CCDC3: variants seen among roughly 807,000 people sequenced by gnomAD.
CCDC3 encodes coiled-coil domain containing 3.
A neutral mutation model predicts 21.4 loss-of-function variants in CCDC3; 24 were observed. The ratio of observed to expected loss-of-function variants is 1.12; its 90% CI spans 0.81 to 1.58. The LOEUF is 1.58. Among genes scored for constraint, CCDC3 ranks in the 40% most tolerant of loss-of-function variants. The pLI is 0.00. For missense variants in CCDC3, 425 were observed against 360.9 expected (o/e 1.18, Z -1.44); for synonymous variants, 186 against 166.0 (o/e 1.12, Z -0.93).
chr10:12,916,691 A>C (rs544005162), intron 2 of CCDC3, among the ~76,000 whole-genome samples: 11 of 151,816 alleles, frequency 7.2e-5, no homozygotes, highest in Non-Finnish European at 1.5e-4. Context: ...CAAAGCCTGG[A>C]GCCAAGTGGA....
upstream of CCDC3, among the ~76,000 whole-genome samples, chr10:13,002,154 C>A (rs1367214807): frequency 1.3e-5 from 2 of 152,100 alleles, no homozygotes; most frequent in Non-Finnish European, 2.9e-5. Flanking sequence ...CTCAGATTTG[C>A]TAGTTATTTA....
At chr10:13,097,398 G>A (rs1832641858) in intron 3 of CCDC3, among the ~76,000 whole-genome samples, 1 of 152,158 alleles carries the variant, frequency 6.6e-6, no homozygotes, top group Admixed American at 6.5e-5. Context: ...AGCATCCTTA[G>A]GTGAGGGCTG....
chr10:13,097,303 G>A (rs576292610), intron 3 of CCDC3, among the ~76,000 whole-genome samples: 1 of 152,278 alleles, frequency 6.6e-6, no homozygotes, highest in African/African-American at 2.4e-5. Flanking sequence ...AAACAGAACC[G>A]GCTCTAACAC....
At chr10:12,903,763 G>A (rs1297563256) in intron 2 of CCDC3, among the ~76,000 whole-genome samples, 1 of 152,184 alleles carries the variant, frequency 6.6e-6, no homozygotes, top group African/African-American at 2.4e-5. Context: ...TTTTATTTTC[G>A]AAAAGACAAA....
At chr10:13,062,353 G>T (rs1038814289) in intron 4 of CCDC3, among the ~76,000 whole-genome samples, 9 of 152,170 alleles carry the variant, frequency 5.9e-5, no homozygotes, top group African/African-American at 1.9e-4. Flanking sequence ...TCCACCCATT[G>T]TATGTACATA....
chr10:13,075,516 C>T (rs74119407), intron 3 of CCDC3, among the ~76,000 whole-genome samples: 4 of 151,812 alleles, frequency 2.6e-5, no homozygotes, highest in African/African-American at 9.7e-5. Flanking sequence ...GGATGAACCT[C>T]TTCCCACCGC....
chr10:12,957,870 G>C (rs1043440971), intron 2 of CCDC3, among the ~76,000 whole-genome samples: 1 of 152,112 alleles, frequency 6.6e-6, no homozygotes, highest in Non-Finnish European at 1.5e-5. Context: ...TTGTGAGAAG[G>C]AGCCTCGCTC....
chr10:13,067,838 T>C (rs1483040658), intron 4 of CCDC3, among the ~76,000 whole-genome samples: 5 of 152,238 alleles, frequency 3.3e-5, no homozygotes, highest in Non-Finnish European at 5.9e-5. Context: ...ATAAGGCAGT[T>C]AAAAGGTTTT....
intron 2 of CCDC3, among the ~76,000 whole-genome samples, chr10:12,953,074 T>G (rs1463730256): frequency 7.3e-6 from 1 of 137,480 alleles, no homozygotes; most frequent in African/African-American, 2.5e-5. Context: ...TACCCGAGAC[T>G]GGGTAATTTA....
At chr10:13,035,762 A>C (rs761687021) in intron 5 of CCDC3, among the ~76,000 whole-genome samples, 5 of 152,230 alleles carry the variant, frequency 3.3e-5, no homozygotes, top group Non-Finnish European at 7.3e-5. Flanking sequence ...AGACATTCAG[A>C]AAATAGACTT....
intron 5 of CCDC3, among the ~76,000 whole-genome samples, chr10:13,038,753 G>A (rs1361333647): frequency 4.6e-5 from 7 of 152,210 alleles, no homozygotes; most frequent in Non-Finnish European, 1.0e-4. Flanking sequence ...CTTGTTCCAG[G>A]CAGCTTCAAG....
chr10:13,058,404 G>A, intron 4 of CCDC3: 2 of 856,846 alleles, frequency 2.3e-6, no homozygotes, highest in Non-Finnish European at 2.0e-6. Context: ...TAATTTGTCA[G>A]GCCAACCTTC....
chr10:12,979,314 C>T (rs1835462307), intron 2 of CCDC3, among the ~76,000 whole-genome samples: 1 of 151,984 alleles, frequency 6.6e-6, no homozygotes, highest in Non-Finnish European at 1.5e-5. Flanking sequence ...AGTAAGTGCT[C>T]GCTGCCTGCC....
chr10:13,001,417 G>T lies in CCDC3; in HGVS notation c.154C>A (p.His52Asn), dbSNP rs1274917389. ...TIVYARVLAL[H>N]PEAPGLYNHL... ...TTGTAGAGGCCGGGCGCCTCGGGGT[G>T]CAGCGCCAGCACCCTGGCGTACACG... Residue 52 changes from histidine to asparagine, a missense_variant, in exon 1 of 3, where the codon CAC becomes AAC. Coordinates refer to ENST00000378825, the MANE Select transcript of CCDC3 (RefSeq NM_031455.4). 6.5e-7 allele frequency: 1 copy of T among 1,549,492 alleles called. No individual in the cohort carries two copies.
rs1281228414 is a variant in CCDC3 at position 13,079,412 on chromosome 10, A to C, written c.-502-5312T>G. Reference sequence around the variant, plus strand: ...CCACGTGGACCGGGTGACCTCATGCATGAGCCAAGGAAGGGAACACTGGAG... The same window carrying C: ...CCACGTGGACCGGGTGACCTCATGCCTGAGCCAAGGAAGGGAACACTGGAG... On this transcript the variant is annotated intron_variant, in intron 3 of 6. Transcript: ENST00000378839. Among the ~76,000 whole-genome samples, 3 of 151,396 alleles carry C rather than the reference A, an allele frequency of 2.0e-5. No individual in the cohort carries two copies. The East Asian group carries it at 5.9e-4, about 30-fold the overall frequency.
chr10:13,088,716 AT>A (rs1173190244), intron 3 of CCDC3, among the ~76,000 whole-genome samples: 1 of 152,204 alleles, frequency 6.6e-6, no homozygotes, highest in Non-Finnish European at 1.5e-5. Context: ...GGAGGAAAGC[AT>A]TTTTAAAAAA....
At chr10:13,031,719 A>G (rs541296429) in intron 5 of CCDC3, among the ~76,000 whole-genome samples, 35 of 152,280 alleles carry the variant, frequency 2.3e-4, no homozygotes, top group Admixed American at 5.2e-4. Flanking sequence ...ACACCTCTAC[A>G]CAAATAAACT....
intron 2 of CCDC3, 120 bp from the exon 3 acceptor site, chr10:12,898,799 C>T: frequency 8.5e-7 from 1 of 1,175,996 alleles, no homozygotes; most frequent in East Asian, 2.6e-5. Context: ...TTCCCCACCC[C>T]AGCATGGGCA....
At chr10:13,097,332 C>T (rs1480541189) in intron 3 of CCDC3, among the ~76,000 whole-genome samples, 2 of 152,174 alleles carry the variant, frequency 1.3e-5, no homozygotes, top group Non-Finnish European at 2.9e-5. Flanking sequence ...GCAACAAACA[C>T]CATGAGCCAG....
Sources: gnomAD v4.1 joint callset for allele counts (sites outside exome capture counted in the v4.1 genomes callset) on GRCh38, gnomAD v4.1.1 for gene constraint, MANE v1.5 for transcripts, NCBI Gene and HGNC (gene_info 2026-07-23, HGNC 2026-07-21) for gene names.